MPHOSPH9: variants seen among roughly 807,000 people sequenced by gnomAD.
MPHOSPH9 encodes M-phase phosphoprotein 9.
MPHOSPH9 carries 88 observed loss-of-function variants against 145.5 expected under a neutral mutation model. The ratio of observed to expected loss-of-function variants is 0.60; its 90% CI spans 0.51 to 0.72. MPHOSPH9 has a LOEUF of 0.72. MPHOSPH9 is among the 30% of genes least tolerant of loss of function. MPHOSPH9 has a pLI of 0.00. For missense variants in MPHOSPH9, 1,238 were observed against 1,386.6 expected, an observed-to-expected ratio of 0.89 and a Z score of 1.70; for synonymous variants, 435 against 486.2, an observed-to-expected ratio of 0.89 and a Z score of 1.39.
intron 6 of MPHOSPH9, among the ~76,000 whole-genome samples, chr12:123,215,626 C>T (rs950164258): frequency 6.6e-6 from 1 of 151,934 alleles, no homozygotes; most frequent in East Asian, 1.9e-4. Flanking sequence ...GTTAGTAGTC[C>T]CTGCTTACTT....
At chr12:123,233,183 G>A (rs1287442194), upstream of MPHOSPH9, 10 of 152,084 alleles carry the variant, frequency 6.6e-5, no homozygotes, top group Admixed American at 6.6e-4. Flanking sequence ...TTGGCTGCCC[G>A]GAAGGAGGCG....
chr12:123,240,727 C>CTTTT (rs62837760), intron 1 of MPHOSPH9: 5 of 102,104 alleles, frequency 4.9e-5, no homozygotes, highest in African/African-American at 1.8e-4. Flanking sequence ...TTTTATTGAC[C>CTTTT]TTTTTTTTTT....
intron 13 of MPHOSPH9, among the ~76,000 whole-genome samples, chr12:123,190,842 G>C (rs543805832): frequency 2.0e-5 from 3 of 152,114 alleles, no homozygotes; most frequent in African/African-American, 7.2e-5. Context: ...AGGCTAGAAC[G>C]GTATTTGTTA....
chr12:123,205,478 G>A (rs527690239), intron 8 of MPHOSPH9, among the ~76,000 whole-genome samples: 14 of 152,172 alleles, frequency 9.2e-5, no homozygotes, highest in South Asian at 2.1e-4. Flanking sequence ...CCCAGGAGGC[G>A]GAGGATGCAG....
At chr12:123,217,205 CTTT>C (rs770326847) in intron 6 of MPHOSPH9, among the ~76,000 whole-genome samples, 1 of 144,224 alleles carries the variant, frequency 6.9e-6, no homozygotes, top group African/African-American at 2.5e-5. Context: ...AAATTTCAAC[CTTT>C]TTTTTTTTTA....
At chr12:123,199,606 A>G (rs1219042944) in intron 11 of MPHOSPH9, among the ~76,000 whole-genome samples, 1 of 152,008 alleles carries the variant, frequency 6.6e-6, no homozygotes, top group East Asian at 1.9e-4. Context: ...CATCCTGGAT[A>G]ATACGGTGAA....
At chr12:123,175,312 G>C (rs564891901) in intron 16 of MPHOSPH9, among the ~76,000 whole-genome samples, 1 of 151,962 alleles carries the variant, frequency 6.6e-6, no homozygotes, top group Non-Finnish European at 1.5e-5. Context: ...CACCGCGCCC[G>C]GCTAATTTTT....
At chr12:123,231,063 C>CA (rs1299547638) in intron 1 of MPHOSPH9, among the ~76,000 whole-genome samples, 7 of 152,182 alleles carry the variant, frequency 4.6e-5, no homozygotes, top group African/African-American at 1.4e-4. Context: ...TTATGTATCT[C>CA]AATTAAAAAT....
intron 15 of MPHOSPH9, among the ~76,000 whole-genome samples, chr12:123,177,450 G>A (rs758851256): frequency 6.6e-5 from 10 of 151,510 alleles, no homozygotes; most frequent in African/African-American, 9.7e-5. Flanking sequence ...CAGGAGAATC[G>A]GCTTGAACCC....
rs1418844995 is a variant in MPHOSPH9, at chr12:123,218,467, T to A, written c.905A>T (p.Lys302Met). 2 of 1,613,942 alleles carry A rather than the reference T, an allele frequency of 1.2e-6. No individual in the cohort carries two copies. The highest frequency in any genetic ancestry group is 1.7e-6 in the Non-Finnish European group (2 of 1,179,938). ...ATGTGCTCTCTTTGGTTGGTTCTGC[T>A]TCAGTTTTTGTGCCCATGATGTTAT... ...NAITSWAQKL[K>M]QNQPKRAHVE... The change falls in exon 6 of 24, where the codon AAG becomes ATG. Residue 302 changes from lysine to methionine, a missense_variant. By Grantham distance (95) the Lys-to-Met change is moderately conservative (BLOSUM62 -1). Transcript: ENST00000606320.
intron 1 of MPHOSPH9, among the ~76,000 whole-genome samples, chr12:123,232,279 GA>G (rs1408825543): frequency 1.3e-5 from 2 of 151,974 alleles, no homozygotes; most frequent in African/African-American, 2.4e-5. Context: ...AAAACCACTA[GA>G]AATTCAAAGA....
chr12:123,224,235 C>T (rs1295122994), intron 3 of MPHOSPH9, among the ~76,000 whole-genome samples: 1 of 150,270 alleles, frequency 6.7e-6, no homozygotes. Flanking sequence ...CCTGGGTTCA[C>T]GCCATTCTCC....
At position 123,166,717 on chromosome 12, in the gene MPHOSPH9, G is replaced by C; in HGVS notation, c.2529C>G (p.Gly843=). 1.9e-6 allele frequency: 3 copies of C among 1,614,078 alleles called. No individual in the cohort carries two copies. The highest frequency in any genetic ancestry group is 2.5e-6 in the Non-Finnish European group (3 of 1,180,020). The change falls in exon 17 of 24, where the codon GGC becomes GGG. Residue 843 remains glycine, a synonymous_variant. Transcript: ENST00000606320. ...IPGAEYSIFT[G]QPLDTQDSNV... ...TACTGTCCTGGGTGTCCAGAGGCTG[G>C]CCAGTAAAGATGGAATACTCTGCAC...
In MPHOSPH9 at chr12:123,202,637, C is replaced by T. The variant is rs1358834715; in HGVS notation, c.1768G>A (p.Val590Met). 8 of 1,613,092 alleles carry T rather than the reference C, an allele frequency of 5.0e-6. No individual in the cohort carries two copies. The highest frequency in any genetic ancestry group is 1.3e-5 in the African/African-American group (1 of 74,896). The change falls in exon 10 of 24, where the codon GTG becomes ATG. Residue 590 changes from valine (V) to methionine (M), a missense_variant. Transcript: ENST00000606320. ...TGAAATACATACTTAGACAATATCA[C>T]AGGATCTTCCAAGGAAGTCAATGAA... ...CISLTSLEDP[V>M]ILSKIRQNLK...
Position 123,154,617 on chromosome 12 carries a change from A to G in MPHOSPH9, c.*2190T>C, listed in dbSNP as rs1375949982. On this transcript the variant is annotated 3_prime_UTR_variant, in exon 24 of 24. Transcript: ENST00000606320. ...GATAATTCCTTGGCAAGATAAAACT[A>G]TCATCTCTTCTGAAATGGCATTTTT... The G allele has an allele frequency of 6.6e-6, 1 of 152,192 alleles. No individual in the cohort carries two copies. Among genetic ancestry groups the G allele is most frequent in the Non-Finnish European group, 1.5e-5 (1 of 68,020 alleles). The allele number at this position is 152,192 out of a possible 1,614,324, so 9.4% of individuals were successfully genotyped here.
intron 12 of MPHOSPH9, among the ~76,000 whole-genome samples, chr12:123,196,498 G>C (rs2045952296): frequency 6.6e-6 from 1 of 152,100 alleles, no homozygotes; most frequent in South Asian, 2.1e-4. Context: ...CACAGACTTT[G>C]AGAAACTTTT....
chr12:123,202,522 T>C lies in MPHOSPH9; in HGVS notation c.1781+102A>G, dbSNP rs895783628. Reference sequence around the variant, plus strand: ...TATGCTCCATCTTAAAAATGCTAAATCTCTAAGACTTTATGCAATACTGAA... The same window carrying C: ...TATGCTCCATCTTAAAAATGCTAAACCTCTAAGACTTTATGCAATACTGAA... On this transcript the variant is annotated intron_variant, in intron 10 of 23. Transcript: ENST00000606320. 11 of 1,287,926 alleles carry C rather than the reference T, an allele frequency of 8.5e-6. No individual in the cohort carries two copies. The East Asian group carries it at 2.8e-4, about 32-fold the overall frequency. The allele number at this position is 1,287,926 out of a possible 1,614,324, so 79.8% of individuals were successfully genotyped here.
At chr12:123,216,479 T>C (rs1398044866) in intron 6 of MPHOSPH9, among the ~76,000 whole-genome samples, 2 of 152,146 alleles carry the variant, frequency 1.3e-5, no homozygotes, top group Non-Finnish European at 2.9e-5. Flanking sequence ...AGGGACCTGA[T>C]TTTGCCATTT....
At chr12:123,175,435 G>C (rs1053400623) in intron 16 of MPHOSPH9, among the ~76,000 whole-genome samples, 1 of 152,040 alleles carries the variant, frequency 6.6e-6, no homozygotes, top group African/African-American at 2.4e-5. Flanking sequence ...TTACAGGCGT[G>C]AGCCACGGCG....
Sources: allele counts gnomAD v4.1 joint callset (sites outside exome capture counted in the v4.1 genomes callset), GRCh38; gene constraint gnomAD v4.1.1; transcripts MANE v1.5; gene names NCBI Gene and HGNC (gene_info 2026-07-23, HGNC 2026-07-21).